SMYD1: variants seen among roughly 807,000 people sequenced by gnomAD.
The protein encoded by SMYD1 is histone-lysine N-methyltransferase SMYD1.
A neutral mutation model predicts 54.0 loss-of-function variants in SMYD1; 49 were observed. The observed-to-expected ratio is 0.91, with a 90% CI of 0.72 to 1.15. The LOEUF (loss-of-function observed/expected upper bound fraction) is 1.15, where lower values mean the gene tolerates loss of function less well. SMYD1 is among the 50% of genes most tolerant of loss of function. The pLI, the probability that SMYD1 is intolerant of heterozygous loss-of-function variation, is 0.00. For synonymous variants in SMYD1, 269 were observed against 234.2 expected (o/e 1.15, Z -1.36); for missense variants, 653 against 639.6 (o/e 1.02, Z -0.23).
At chr2:88,090,919 T>C in intron 3 of SMYD1, 93 bp from the exon 4 acceptor site, 1 of 1,424,642 alleles carries the variant, frequency 7.0e-7, no homozygotes, top group African/African-American at 1.4e-5. Flanking sequence ...AGGGTGAGAC[T>C]GGGTCTTCTG....
chr2:88,104,257 C>T (rs980816759), intron 7 of SMYD1, among the ~76,000 whole-genome samples: 3 of 152,186 alleles, frequency 2.0e-5, no homozygotes, highest in African/African-American at 7.2e-5. Context: ...TGAGCCACTG[C>T]GCCTGGCCTC....
chr2:88,068,183 G>A (rs561644196), intron 1 of SMYD1, among the ~76,000 whole-genome samples, 182 bp downstream of exon 1: 13 of 152,308 alleles, frequency 8.5e-5, no homozygotes, highest in African/African-American at 2.9e-4. Context: ...ATCATTGCCA[G>A]TGTGATTTGC....
chr2:88,082,495 C>T (rs1216782827), intron 1 of SMYD1: 1 of 154,088 alleles, frequency 6.5e-6, no homozygotes, highest in Non-Finnish European at 1.5e-5. Flanking sequence ...CTGCACCTGT[C>T]TATCCCCTTC....
intron 1 of SMYD1, among the ~76,000 whole-genome samples, chr2:88,077,319 C>G (rs938594615): frequency 1.3e-5 from 2 of 152,240 alleles, no homozygotes; most frequent in African/African-American, 2.4e-5. Flanking sequence ...TGGAGCAGGG[C>G]ACATTCAAGG....
chr2:88,079,215 C>A (rs1674133768), intron 1 of SMYD1, among the ~76,000 whole-genome samples: 1 of 152,238 alleles, frequency 6.6e-6, no homozygotes, highest in Non-Finnish European at 1.5e-5. Flanking sequence ...CAGCTGAAGG[C>A]TCTGTCTCCA....
chr2:88,088,366 A>T (rs963592419), intron 3 of SMYD1, among the ~76,000 whole-genome samples: 3 of 152,194 alleles, frequency 2.0e-5, no homozygotes, highest in Non-Finnish European at 4.4e-5. Flanking sequence ...CGGAGATTCT[A>T]GAGTATGATT....
intron 2 of SMYD1, among the ~76,000 whole-genome samples, chr2:88,086,225 T>C (rs746108485): frequency 1.3e-5 from 2 of 152,186 alleles, no homozygotes; most frequent in Non-Finnish European, 2.9e-5. Context: ...TCTCTTTGTA[T>C]TGTTTTCCAA....
intron 5 of SMYD1, among the ~76,000 whole-genome samples, chr2:88,094,551 G>T (rs919790343): frequency 6.6e-6 from 1 of 152,108 alleles, no homozygotes; most frequent in Non-Finnish European, 1.5e-5. Flanking sequence ...TTTCAGGCTG[G>T]TCTCCATTCC....
At chr2:88,101,153 G>A (rs1383046885) in intron 6 of SMYD1, among the ~76,000 whole-genome samples, 1 of 152,246 alleles carries the variant, frequency 6.6e-6, no homozygotes, top group African/African-American at 2.4e-5. Context: ...AAGGAGGGAA[G>A]ATGGTCTACA....
chr2:88,076,171 C>T (rs1183549819), intron 1 of SMYD1, among the ~76,000 whole-genome samples: 2 of 152,126 alleles, frequency 1.3e-5, no homozygotes, highest in African/African-American at 2.4e-5. Flanking sequence ...TGTTTATGTC[C>T]CATCCCAGCC....
intron 8 of SMYD1, 129 bp from the exon 9 acceptor site, chr2:88,108,242 C>T: frequency 1.1e-6 from 1 of 875,890 alleles, no homozygotes; most frequent in Non-Finnish European, 1.6e-6. Context: ...TTGGCGGCTA[C>T]AGAAGCCTTG....
At chr2:88,087,381 A>C (rs1016628473) in intron 2 of SMYD1, among the ~76,000 whole-genome samples, 2 of 151,662 alleles carry the variant, frequency 1.3e-5, no homozygotes, top group African/African-American at 2.4e-5. Flanking sequence ...TCCTGCCCAC[A>C]CCTCCACCTT....
chr2:88,080,841 A>G (rs1674172796), intron 1 of SMYD1, among the ~76,000 whole-genome samples: 1 of 151,994 alleles, frequency 6.6e-6, no homozygotes, highest in African/African-American at 2.4e-5. Flanking sequence ...AAAGGTGAAG[A>G]CTCCAAGTTA....
chr2:88,080,506 A>G (rs1427590023), intron 1 of SMYD1, among the ~76,000 whole-genome samples: 2 of 152,146 alleles, frequency 1.3e-5, no homozygotes, highest in Non-Finnish European at 2.9e-5. Context: ...CTGATGGGCG[A>G]CCTTGGAACA....
At chr2:88,081,100 G>C (rs1408093221) in intron 1 of SMYD1, among the ~76,000 whole-genome samples, 1 of 151,918 alleles carries the variant, frequency 6.6e-6, no homozygotes, top group Non-Finnish European at 1.5e-5. Context: ...ACGGGGTTTT[G>C]CCATGTTGGC....
chr2:88,105,002 A>C (rs577741214), intron 7 of SMYD1, among the ~76,000 whole-genome samples: 1 of 152,278 alleles, frequency 6.6e-6, no homozygotes, highest in South Asian at 2.1e-4. Context: ...AGTAGGACAT[A>C]ATTATTCAAA....
chr2:88,080,906 A>AT (rs58421035), intron 1 of SMYD1, among the ~76,000 whole-genome samples: 74,567 of 146,320 alleles, frequency 0.51, 20,065 homozygotes, highest in East Asian at 0.87. Flanking sequence ...TCATTATTTA[A>AT]TTTTTTTTTT....
In SMYD1 at chr2:88,109,552, G is replaced by A. The variant is rs185967739; in HGVS notation, c.1315-802G>A. Among the ~76,000 whole-genome samples, 630 of 152,248 alleles carry A rather than the reference G, an allele frequency of 4.1e-3. 4 individuals carry two copies. The highest frequency in any genetic ancestry group is 7.2e-3 in the Admixed American group (110 of 15,294). ...GATGTCCTTGGTGCTTTGAAAAGCT[G>A]GTTTATTTGAGAGTGACAGGGCTGT... On this transcript the variant is annotated intron_variant, in intron 9 of 9. Transcript: ENST00000419482.
intron 2 of SMYD1, 51 bp downstream of exon 2, chr2:88,084,543 G>T (rs1014734893): frequency 1.3e-6 from 2 of 1,506,360 alleles, no homozygotes; most frequent in Non-Finnish European, 1.8e-6. Context: ...TGTCAGGCTG[G>T]AATGGTGGCA....
Sources: gnomAD v4.1 joint callset for allele counts (sites outside exome capture counted in the v4.1 genomes callset) on GRCh38, gnomAD v4.1.1 for gene constraint, MANE v1.5 for transcripts, NCBI Gene and HGNC (gene_info 2026-07-23, HGNC 2026-07-21) for gene names.